Variants in SAMD4A observed in about 807,000 individuals in gnomAD.
SAMD4A encodes the protein sterile alpha motif domain containing 4A, also known as protein Smaug homolog 1.
SAMD4A carries 33 observed loss-of-function variants against 81.3 expected under a neutral mutation model. That is an observed-to-expected ratio of 0.41 (90% CI 0.31 to 0.54). The LOEUF is 0.54. SAMD4A is among the 20% of genes least tolerant of loss of function. SAMD4A has a pLI of 0.37. For synonymous variants in SAMD4A, 389 were observed against 382.1 expected, an observed-to-expected ratio of 1.02 and a Z score of -0.21; for missense variants, 854 against 951.1, an observed-to-expected ratio of 0.90 and a Z score of 1.34.
At chr14:54,701,064 TCA>T (rs1277923542) in intron 2 of SAMD4A, 1 of 146,780 alleles carries the variant, frequency 6.8e-6, no homozygotes, top group Non-Finnish European at 1.5e-5. Flanking sequence ...AGTGGTGCAA[TCA>T]CAGCTCACTG....
chr14:54,730,444 C>T (rs970145795), intron 3 of SAMD4A, among the ~76,000 whole-genome samples: 1 of 152,218 alleles, frequency 6.6e-6, no homozygotes, highest in Non-Finnish European at 1.5e-5. Flanking sequence ...TTGTCAGGAA[C>T]ATCCCGTCCA....
At chr14:54,773,947 G>A (rs767461299) in intron 9 of SAMD4A, among the ~76,000 whole-genome samples, 8 of 152,234 alleles carry the variant, frequency 5.3e-5, no homozygotes, top group Non-Finnish European at 8.8e-5. Context: ...CTCCAAGTCC[G>A]CCACACAGAC....
At chr14:54,784,808 A>G (rs2039093175) in intron 12 of SAMD4A, among the ~76,000 whole-genome samples, 188 bp downstream of exon 12, 1 of 152,142 alleles carries the variant, frequency 6.6e-6, no homozygotes, top group Non-Finnish European at 1.5e-5. Context: ...GCACCATGCC[A>G]AGTGGCCAGT....
At chr14:54,709,042 C>G (rs369901409) in intron 3 of SAMD4A, among the ~76,000 whole-genome samples, 2 of 152,042 alleles carry the variant, frequency 1.3e-5, no homozygotes, top group African/African-American at 4.8e-5. Context: ...TTTGGGAGAC[C>G]CAGGCAGGCA....
At chr14:54,723,855 A>C (rs2037325939) in intron 3 of SAMD4A, among the ~76,000 whole-genome samples, 1 of 152,124 alleles carries the variant, frequency 6.6e-6, no homozygotes, top group Non-Finnish European at 1.5e-5. Flanking sequence ...GGTTAGCTTA[A>C]CTCTCTGGGA....
intron 2 of SAMD4A, among the ~76,000 whole-genome samples, chr14:54,613,234 G>C (rs1181401630): frequency 6.6e-6 from 1 of 152,160 alleles, no homozygotes; most frequent in Non-Finnish European, 1.5e-5. Flanking sequence ...AAGCCAAGGA[G>C]AGCAGAGATG....
At chr14:54,570,083 A>G (rs950288557) in intron 2 of SAMD4A, among the ~76,000 whole-genome samples, 10 of 152,258 alleles carry the variant, frequency 6.6e-5, no homozygotes, top group African/African-American at 2.4e-4. Context: ...TATACAAAAT[A>G]TAGAACCATT....
intron 6 of SAMD4A, among the ~76,000 whole-genome samples, chr14:54,758,774 G>C (rs182951287): frequency 1.5e-4 from 23 of 152,296 alleles, no homozygotes; most frequent in African/African-American, 5.5e-4. Flanking sequence ...AGGTTGCAGT[G>C]GGCTGAGATC....
chr14:54,692,063 C>T (rs1441086392), intron 2 of SAMD4A, among the ~76,000 whole-genome samples: 1 of 152,240 alleles, frequency 6.6e-6, no homozygotes, highest in African/African-American at 2.4e-5. Flanking sequence ...TTACACACCA[C>T]ACCACAGGGC....
At position 54,578,604 on chromosome 14, in the gene SAMD4A, C is replaced by T. The variant is rs188821012; in HGVS notation, c.196+10492C>T. Among the ~76,000 whole-genome samples, 602 of 150,958 alleles carry T rather than the reference C, an allele frequency of 4.0e-3. 4 individuals carry two copies. Among genetic ancestry groups the T allele is most frequent in the African/African-American group, 0.014 (577 of 41,108 alleles). On this transcript the variant is annotated intron_variant, in intron 2 of 12. Coordinates refer to ENST00000554335, the MANE Select transcript of SAMD4A (RefSeq NM_015589.6). ...GTGTGTGCCTGTAGTCCCAACTACT[C>T]GGGAGGCTGAGGCAGGAGAATTGCT...
intron 2 of SAMD4A, among the ~76,000 whole-genome samples, chr14:54,676,462 C>T (rs1003314014): frequency 6.6e-5 from 10 of 152,244 alleles, no homozygotes; most frequent in Middle Eastern, 3.4e-3. Flanking sequence ...CTGTAACCTC[C>T]GCCTCCCAAG....
At chr14:54,675,367 CAAAAA>C (rs59110762) in intron 2 of SAMD4A, among the ~76,000 whole-genome samples, 1 of 75,390 alleles carries the variant, frequency 1.3e-5, no homozygotes, top group African/African-American at 4.8e-5. Context: ...ACTCCGTCTC[CAAAAA>C]AAAAAAAAAA....
At chr14:54,597,705 T>G (rs755142340) in intron 2 of SAMD4A, among the ~76,000 whole-genome samples, 1 of 151,676 alleles carries the variant, frequency 6.6e-6, no homozygotes, top group Non-Finnish European at 1.5e-5. Flanking sequence ...TCCTCCCATT[T>G]CAGCCTCCAG....
At chr14:54,666,319 C>T (rs2035755499) in intron 2 of SAMD4A, among the ~76,000 whole-genome samples, 1 of 152,140 alleles carries the variant, frequency 6.6e-6, no homozygotes, top group Non-Finnish European at 1.5e-5. Flanking sequence ...TCATTACTTC[C>T]ATATTAGGGC....
intron 2 of SAMD4A, among the ~76,000 whole-genome samples, chr14:54,635,352 G>A (rs1005897223): frequency 2.6e-5 from 4 of 151,964 alleles, no homozygotes; most frequent in South Asian, 2.1e-4. Context: ...TCAAACCCAG[G>A]AGGCGGAGGT....
At chr14:54,699,518 T>C (rs2036659484) in intron 2 of SAMD4A, among the ~76,000 whole-genome samples, 1 of 152,218 alleles carries the variant, frequency 6.6e-6, no homozygotes, top group South Asian at 2.1e-4. Flanking sequence ...CAAGTTGAGA[T>C]GTACTGTCCA....
At chr14:54,660,081 G>GAA (rs1249707670) in intron 2 of SAMD4A, among the ~76,000 whole-genome samples, 2 of 141,814 alleles carry the variant, frequency 1.4e-5, no homozygotes, top group African/African-American at 2.6e-5. Flanking sequence ...CTCCGTCTCA[G>GAA]AAAAAAAAAA....
intron 2 of SAMD4A, among the ~76,000 whole-genome samples, chr14:54,634,211 G>A (rs1021932891): frequency 2.7e-5 from 4 of 148,882 alleles, no homozygotes; most frequent in African/African-American, 5.0e-5. Flanking sequence ...GCTTGAACCT[G>A]GGAGGCAGAG....
intron 9 of SAMD4A, among the ~76,000 whole-genome samples, chr14:54,772,398 C>A (rs564263152): frequency 3.9e-5 from 6 of 152,292 alleles, no homozygotes; most frequent in African/African-American, 1.2e-4. Flanking sequence ...AGTGGCAACC[C>A]TCTGCAAAGC....
Sources: allele counts gnomAD v4.1 joint callset (sites outside exome capture counted in the v4.1 genomes callset), GRCh38; gene constraint gnomAD v4.1.1; transcripts MANE v1.5; gene names NCBI Gene and HGNC (gene_info 2026-07-23, HGNC 2026-07-21).